PRKCE: variants seen among roughly 807,000 people sequenced by gnomAD.
PRKCE encodes the protein protein kinase C epsilon.
Under a neutral mutation model 85.4 loss-of-function variants are expected in PRKCE, and 16 were observed. That is an observed-to-expected ratio of 0.19 (90% confidence interval 0.13 to 0.28). The LOEUF is 0.28. PRKCE is among the 10% of genes least tolerant of loss of function. The pLI is 1.00. For missense variants in PRKCE, 573 were observed against 975.2 expected, an observed-to-expected ratio of 0.59 and a Z score of 5.49; for synonymous variants, 388 against 371.5, an observed-to-expected ratio of 1.04 and a Z score of -0.51.
intron 10 of PRKCE, among the ~76,000 whole-genome samples, chr2:46,060,855 A>G (rs1375619392): frequency 1.3e-5 from 2 of 150,060 alleles, no homozygotes; most frequent in Non-Finnish European, 3.0e-5. Context: ...TCTGCCTCCT[A>G]GGTTCAAGTG....
chr2:45,881,381 C>T (rs1179289599), intron 2 of PRKCE, among the ~76,000 whole-genome samples: 2 of 152,102 alleles, frequency 1.3e-5, no homozygotes, highest in Non-Finnish European at 2.9e-5. Flanking sequence ...TCTTAAAACA[C>T]TTAGATGGAC....
Position 46,184,974 on chromosome 2 carries a change from C to G in PRKCE, c.*93C>G. 8.7e-6 allele frequency: 13 copies of G among 1,499,326 alleles called. No homozygotes were observed. The highest frequency in any genetic ancestry group is 2.1e-4 in the Middle Eastern group (1 of 4,662). The allele number at this position is 1,499,326 out of a possible 1,614,324, so 92.9% of individuals were successfully genotyped here. A position where few individuals can be genotyped will look rare whatever the true frequency, so the allele number is the denominator to read the frequency against. On this transcript the variant is annotated 3_prime_UTR_variant, in exon 15 of 15. Coordinates refer to ENST00000306156, the MANE Select transcript of PRKCE (RefSeq NM_005400.3). The surrounding 1 kb of genome is among the most constrained non-coding windows in gnomAD (Gnocchi z 5.0). The stretch of plus-strand genomic sequence containing the variant: ...ACACTCAGCAGGTCTTGAACTACTT[C>G]TCCTCCTCGGAGCCCCAGTCCCATG...
At chr2:45,711,918 C>T (rs748819610) in intron 1 of PRKCE, among the ~76,000 whole-genome samples, 11 of 152,080 alleles carry the variant, frequency 7.2e-5, no homozygotes, top group East Asian at 1.9e-4. Context: ...CCAACACGCC[C>T]GGCCTCCATT....
intron 2 of PRKCE, among the ~76,000 whole-genome samples, chr2:45,970,554 A>G (rs1702040854): frequency 6.6e-6 from 1 of 152,172 alleles, no homozygotes; most frequent in South Asian, 2.1e-4. Flanking sequence ...TATCTAGAAC[A>G]GTAAAGGAGA....
In PRKCE at chr2:45,881,897, G is replaced by A. The variant is rs948139112; in HGVS notation, c.412+38834G>A. Among the ~76,000 whole-genome samples, 10 of 152,142 alleles carry A rather than the reference G, an allele frequency of 6.6e-5. No homozygotes were observed. In the East Asian group the frequency reaches 1.7e-3, roughly 26 times the overall value. ...GAAACTAGAAGCTCAGTGGTAGCTC[G>A]AAGACCCCTGGAGCATGTGGAGCTC... On this transcript the variant is annotated intron_variant, in intron 2 of 14. Transcript: ENST00000306156.
chr2:46,114,335 C>T (rs1461449290), intron 11 of PRKCE, among the ~76,000 whole-genome samples: 1 of 148,492 alleles, frequency 6.7e-6, no homozygotes, highest in Non-Finnish European at 1.5e-5. Flanking sequence ...GTTAAGATTA[C>T]AGTCTTCCCA....
At chr2:45,993,701 G>C (rs1466389733) in intron 6 of PRKCE, among the ~76,000 whole-genome samples, 5 of 152,124 alleles carry the variant, frequency 3.3e-5, no homozygotes, top group African/African-American at 1.2e-4. Flanking sequence ...GCAGAAGACA[G>C]CTTTCATGGG....
In PRKCE at chr2:46,184,207, G is replaced by C. The variant is rs1330123678; in HGVS notation, c.2068-528G>C. ...TGAGTTTAATAATTGAAAAAATACT[G>C]GAGCACAAAATTGGGTTCGTGGTGA... On this transcript the variant is annotated intron_variant, in intron 14 of 14. Coordinates refer to ENST00000306156, the MANE Select transcript of PRKCE (RefSeq NM_005400.3). This position sits in a 1 kb window ranked among gnomAD's most constrained non-coding sequence, Gnocchi z 5.0. Among the ~76,000 whole-genome samples, 2 of 152,184 alleles carry C rather than the reference G, an allele frequency of 1.3e-5. No individual in the cohort carries two copies. Among genetic ancestry groups the C allele is most frequent in the African/African-American group, 4.8e-5 (2 of 41,430 alleles).
At chr2:46,067,845 G>A (rs187124484) in intron 10 of PRKCE, among the ~76,000 whole-genome samples, 55 of 152,218 alleles carry the variant, frequency 3.6e-4, no homozygotes, top group African/African-American at 1.0e-3. Flanking sequence ...AGAATATAAC[G>A]CAAGGTAGGG....
intron 1 of PRKCE, among the ~76,000 whole-genome samples, chr2:45,746,404 C>A (rs115830440): frequency 4.5e-4 from 69 of 152,300 alleles, no homozygotes; most frequent in Non-Finnish European, 9.8e-4. Context: ...AGAAGGGCAC[C>A]TGGCCCATAG....
intron 14 of PRKCE, among the ~76,000 whole-genome samples, chr2:46,171,743 T>C (rs982927050): frequency 1.3e-5 from 2 of 152,178 alleles, no homozygotes; most frequent in Non-Finnish European, 2.9e-5. Flanking sequence ...TGGCAAAGTC[T>C]CCATCTGCAG....
At chr2:45,915,605 G>A (rs1253052494) in intron 2 of PRKCE, among the ~76,000 whole-genome samples, 1 of 152,208 alleles carries the variant, frequency 6.6e-6, no homozygotes, top group Non-Finnish European at 1.5e-5. Context: ...GCCTCCTAGA[G>A]GCAGATGTAG....
intron 1 of PRKCE, among the ~76,000 whole-genome samples, chr2:45,712,603 G>T (rs575550628): frequency 2.6e-5 from 4 of 152,146 alleles, no homozygotes; most frequent in Non-Finnish European, 5.9e-5. Context: ...GCCCTGGCTG[G>T]TCCCACTGAC....
chr2:46,082,351 A>G (rs1308291701), intron 10 of PRKCE, among the ~76,000 whole-genome samples: 1 of 152,206 alleles, frequency 6.6e-6, no homozygotes, highest in Non-Finnish European at 1.5e-5. Context: ...CGATAAGTAA[A>G]TATGACAGGA....
intron 1 of PRKCE, among the ~76,000 whole-genome samples, chr2:45,704,324 TGAA>T (rs916603294): frequency 3.3e-5 from 5 of 152,266 alleles, no homozygotes; most frequent in Admixed American, 1.3e-4. Context: ...TCTTGTCCCC[TGAA>T]TATTCTGTAC....
intron 1 of PRKCE, among the ~76,000 whole-genome samples, chr2:45,763,258 G>A (rs1287962267): frequency 6.6e-6 from 1 of 152,024 alleles, no homozygotes; most frequent in Non-Finnish European, 1.5e-5. Context: ...CTGGCCTTGA[G>A]GTGTTCTTTC....
intron 2 of PRKCE, among the ~76,000 whole-genome samples, chr2:45,975,481 T>C (rs1702386355): frequency 6.6e-6 from 1 of 152,152 alleles, no homozygotes; most frequent in Non-Finnish European, 1.5e-5. Flanking sequence ...CTCAGGTCTC[T>C]TCCTCCTCTT....
At chr2:46,083,697 C>A (rs1316408880) in intron 10 of PRKCE, among the ~76,000 whole-genome samples, 1 of 152,212 alleles carries the variant, frequency 6.6e-6, no homozygotes. Flanking sequence ...TTAGAGGATT[C>A]AGATTTTCAG....
chr2:46,185,008 C>A lies in PRKCE; in HGVS notation c.*127C>A. The A allele has an allele frequency of 1.5e-6, 2 of 1,296,784 alleles. No homozygotes were observed. Among genetic ancestry groups the A allele is most frequent in the Non-Finnish European group, 2.1e-6 (2 of 948,252 alleles). The allele number at this position is 1,296,784 out of a possible 1,614,324, so 80.3% of individuals were successfully genotyped here. A position where few individuals can be genotyped will look rare whatever the true frequency, so the allele number is the denominator to read the frequency against. On this transcript the variant is annotated 3_prime_UTR_variant, in exon 15 of 15. Coordinates refer to ENST00000306156, the MANE Select transcript of PRKCE (RefSeq NM_005400.3). The surrounding 1 kb of genome is among the most constrained non-coding windows in gnomAD (Gnocchi z 4.7). ...GGAGCCCCAGTCCCATGTCCACTGT[C>A]TATTTATTGCATTCCCTTGCCCCAG...
Sources: allele counts gnomAD v4.1 joint callset (sites outside exome capture counted in the v4.1 genomes callset), GRCh38; gene constraint gnomAD v4.1.1; non-coding constraint Gnocchi (gnomAD v3.1); transcripts MANE v1.5; gene names NCBI Gene and HGNC (gene_info 2026-07-23, HGNC 2026-07-21).